The following SFXN5 variants were observed in gnomAD, a reference collection of about 807,000 sequenced individuals.
SFXN5 encodes the protein sideroflexin-5.
A neutral mutation model predicts 50.2 loss-of-function variants in SFXN5; 43 were observed. The ratio of observed to expected loss-of-function variants is 0.86; its 90% confidence interval spans 0.67 to 1.11. The LOEUF (loss-of-function observed/expected upper bound fraction) is 1.11, where lower values mean the gene tolerates loss of function less well. Ranked by LOEUF, SFXN5 falls within the 50% of genes least tolerant of loss-of-function variation. The pLI is 0.00. For missense variants in SFXN5, 463 were observed against 454.1 expected, an observed-to-expected ratio of 1.02 and a Z score of -0.18; for synonymous variants, 203 against 185.8, an observed-to-expected ratio of 1.09 and a Z score of -0.75.
At chr2:73,013,747 G>A (rs983059397) in intron 6 of SFXN5, among the ~76,000 whole-genome samples, 6 of 152,040 alleles carry the variant, frequency 3.9e-5, no homozygotes, top group South Asian at 2.1e-4. Context: ...AGAGGATAAC[G>A]AGCATCCATA....
At chr2:72,954,009 C>T (rs1047385759) in intron 13 of SFXN5, among the ~76,000 whole-genome samples, 2 of 152,112 alleles carry the variant, frequency 1.3e-5, no homozygotes, top group South Asian at 2.1e-4. Flanking sequence ...ACCCTGAAAG[C>T]TGTAAGTGGG....
intron 2 of SFXN5, among the ~76,000 whole-genome samples, chr2:73,047,233 AAAAAAAAAAAAAAT>A (rs1386933534): frequency 0.054 from 1,481 of 27,396 alleles, 14 homozygotes; most frequent in Middle Eastern, 0.15. Flanking sequence ...AAAAAAAAAA[AAAAAAAAAAAAAAT>A]ATATATATAT....
At chr2:72,972,650 G>A (rs965550721) in intron 10 of SFXN5, among the ~76,000 whole-genome samples, 1 of 152,192 alleles carries the variant, frequency 6.6e-6, no homozygotes, top group Non-Finnish European at 1.5e-5. Context: ...AACTCTCCCA[G>A]CCCCGCTGCA....
chr2:73,047,740 T>C (rs1023502062), intron 2 of SFXN5, among the ~76,000 whole-genome samples: 2 of 152,188 alleles, frequency 1.3e-5, no homozygotes, highest in African/African-American at 2.4e-5. Flanking sequence ...ATTAAACCTC[T>C]TTCCTTTATA....
intron 12 of SFXN5, among the ~76,000 whole-genome samples, chr2:72,962,683 G>A (rs1386972068): frequency 6.6e-6 from 1 of 152,202 alleles, no homozygotes; most frequent in Non-Finnish European, 1.5e-5. Context: ...GTAAAAGGGT[G>A]AGCCCTGGCC....
intron 13 of SFXN5, among the ~76,000 whole-genome samples, chr2:72,959,850 A>T (rs369556676): frequency 4.3e-4 from 65 of 152,186 alleles, no homozygotes; most frequent in African/African-American, 1.5e-3. Flanking sequence ...GCCCCTCCTG[A>T]TCCCACATCT....
rs745432192 is a variant in SFXN5, at chr2:73,071,701, G to C, written c.5C>G (p.Ala2Gly). M[A>G]DTATTASAAA... ...CGCCGATGCTGTAGTCGCTGTATCC[G>C]CCATGGCCACTGACGCCCGCAATCT... Residue 2 changes from alanine to glycine, a missense_variant, in exon 1 of 14, where the codon GCG becomes GGG. By Grantham distance (60) the Ala-to-Gly change is moderately conservative. Transcript: ENST00000272433. The C allele has an allele frequency of 4.3e-6, 7 of 1,612,164 alleles. No homozygotes were observed. The highest frequency in any genetic ancestry group is 5.9e-6 in the Non-Finnish European group (7 of 1,179,674).
At chr2:72,988,467 T>C (rs1410310798) in intron 9 of SFXN5, 119 bp from the exon 10 acceptor site, 4 of 857,544 alleles carry the variant, frequency 4.7e-6, no homozygotes, top group African/African-American at 3.4e-5. Flanking sequence ...TCCCCACAAC[T>C]GCACCTCACA....
chr2:73,000,386 C>T lies in SFXN5; in HGVS notation c.468+45G>A, dbSNP rs537808466. 247 of 1,545,132 alleles carry T rather than the reference C, an allele frequency of 1.6e-4. 3 individuals carry two copies. In the South Asian group the frequency reaches 2.8e-3, roughly 17 times the overall value. ...CGCTGTAGGGAGGATGACTGGGCCT[C>T]CCTAGCCTGAACCCCACCACTGGGG... On this transcript the variant is annotated intron_variant, in intron 8 of 13. Transcript: ENST00000272433.
chr2:73,002,839 T>TA (rs1214507946), intron 6 of SFXN5, among the ~76,000 whole-genome samples: 1 of 152,130 alleles, frequency 6.6e-6, no homozygotes, highest in Non-Finnish European at 1.5e-5. Flanking sequence ...CTTAGGGAAT[T>TA]AGAGTGAGAA....
At chr2:72,955,277 CCCGCCCG>C (rs757630812) in intron 13 of SFXN5, among the ~76,000 whole-genome samples, 42 of 152,238 alleles carry the variant, frequency 2.8e-4, no homozygotes, top group Non-Finnish European at 5.6e-4. Flanking sequence ...GGCTCGCTCG[CCCGCCCG>C]CCGCCCGCCC....
chr2:72,969,658 A>G (rs958671364), intron 11 of SFXN5, among the ~76,000 whole-genome samples: 3 of 150,224 alleles, frequency 2.0e-5, no homozygotes, highest in Non-Finnish European at 3.0e-5. Context: ...AGCCTCCAAA[A>G]TGCTGGGATT....
Position 72,953,093 on chromosome 2 carries a change from A to ATG in SFXN5, c.946-7996_946-7995dup, listed in dbSNP as rs1672713136. ...TGTACATGTTCTTGCGTGCACGTGT[A>ATG]TGTGTGCGAGCCTGTGTGCACGCGC... On this transcript the variant is annotated intron_variant, in intron 13 of 13. Coordinates refer to ENST00000272433, the MANE Select transcript of SFXN5 (RefSeq NM_144579.3). The surrounding 1 kb of genome is among the most constrained non-coding windows in gnomAD (Gnocchi z 4.1). Among the ~76,000 whole-genome samples the ATG allele has an allele frequency of 6.6e-6, 1 of 152,134 alleles. No homozygotes were observed. The highest frequency in any genetic ancestry group is 2.1e-4 in the South Asian group (1 of 4,832).
At chr2:73,056,877 A>C (rs1682208676) in intron 2 of SFXN5, among the ~76,000 whole-genome samples, 1 of 152,244 alleles carries the variant, frequency 6.6e-6, no homozygotes, top group Non-Finnish European at 1.5e-5. Flanking sequence ...GCAGTTTCTG[A>C]TAAAGTTAAA....
intron 6 of SFXN5, among the ~76,000 whole-genome samples, chr2:73,014,537 T>A: frequency 6.6e-6 from 1 of 152,224 alleles, no homozygotes; most frequent in East Asian, 1.9e-4. Flanking sequence ...TAGCTTGTAT[T>A]CATGTAACTT....
At chr2:73,058,686 G>A (rs756934350) in intron 1 of SFXN5, 90 bp from the exon 2 acceptor site, 5 of 1,199,438 alleles carry the variant, frequency 4.2e-6, no homozygotes, top group Non-Finnish European at 6.1e-6. Context: ...TTATGATTGG[G>A]GTCCCCCGGT....
chr2:72,956,715 A>G (rs1673130238), intron 13 of SFXN5, among the ~76,000 whole-genome samples: 1 of 152,130 alleles, frequency 6.6e-6, no homozygotes, highest in South Asian at 2.1e-4. Context: ...ACAGCCAGGT[A>G]GCCCCCTCTA....
At chr2:72,987,033 A>T (rs557815450) in intron 10 of SFXN5, among the ~76,000 whole-genome samples, 3 of 152,260 alleles carry the variant, frequency 2.0e-5, no homozygotes, top group African/African-American at 7.2e-5. Context: ...CTAAATGCAT[A>T]AAACAAAACA....
intron 10 of SFXN5, 93 bp from the exon 11 acceptor site, chr2:72,971,778 G>C: frequency 1.1e-6 from 1 of 943,886 alleles, no homozygotes; most frequent in Non-Finnish European, 1.7e-6. Flanking sequence ...CGCAAGCCTT[G>C]GGGTTCTGTG....
Sources: allele counts gnomAD v4.1 joint callset (sites outside exome capture counted in the v4.1 genomes callset), GRCh38; gene constraint gnomAD v4.1.1; non-coding constraint Gnocchi (gnomAD v3.1); transcripts MANE v1.5; gene names NCBI Gene and HGNC (gene_info 2026-07-23, HGNC 2026-07-21).